The following BSN variants were observed in gnomAD, a reference collection of about 807,000 sequenced individuals.
The protein encoded by BSN is protein bassoon.
In BSN, 57 loss-of-function variants were observed where a neutral mutation model predicts 264.8. That is an observed-to-expected ratio of 0.22 (90% CI 0.17 to 0.27). The LOEUF (loss-of-function observed/expected upper bound fraction) is 0.27, where lower values mean the gene tolerates loss of function less well. BSN is among the 10% of genes least tolerant of loss of function. The pLI, the probability that BSN is intolerant of heterozygous loss-of-function variation, is 1.00. For missense variants in BSN, 4,615 were observed against 5,232.5 expected, an observed-to-expected ratio of 0.88 and a Z score of 3.64; for synonymous variants, 2,059 against 2,137.3, an observed-to-expected ratio of 0.96 and a Z score of 1.01.
chr3:49,651,913 A>T lies in BSN; in HGVS notation c.2357A>T (p.Asp786Val). Residue 786 changes from aspartate to valine, a missense_variant, in exon 5 of 12, where the codon GAC becomes GTC. By Grantham distance (152) the Asp-to-Val change is radical. This residue lies in a region of BSN where 1,197 missense variants were observed against 1,348.0 expected (regional missense o/e 0.89). Coordinates refer to ENST00000296452, the MANE Select transcript of BSN (RefSeq NM_003458.4). The surrounding 1 kb of genome is among the most constrained non-coding windows in gnomAD (Gnocchi z 5.4). ...ELEDILEEDEDSAEWRRRREQ... is the reference protein window; with the variant it reads ...ELEDILEEDEVSAEWRRRREQ... ...GAGGATATCCTGGAGGAAGACGAAG[A>T]CTCTGCTGAGTGGAGGCGCCGGAGA... 6.2e-7 allele frequency: 1 copy of T among 1,613,840 alleles called. No homozygotes were observed. Among genetic ancestry groups the T allele is most frequent in the Admixed American group, 1.7e-5 (1 of 60,014 alleles).
chr3:49,555,115 A>T (rs2051655127), intron 1 of BSN, among the ~76,000 whole-genome samples: 1 of 152,196 alleles, frequency 6.6e-6, no homozygotes, highest in Non-Finnish European at 1.5e-5. Context: ...CTGACTGCTC[A>T]GGAGGGGCTT....
intron 1 of BSN, among the ~76,000 whole-genome samples, chr3:49,603,145 G>T (rs1300180783): frequency 6.6e-6 from 1 of 150,584 alleles, no homozygotes; most frequent in East Asian, 1.9e-4. Flanking sequence ...TCCACTGCTG[G>T]CCCCTCAAGG....
chr3:49,606,993 C>T (rs537610716), intron 1 of BSN, among the ~76,000 whole-genome samples: 1 of 152,120 alleles, frequency 6.6e-6, no homozygotes, highest in Non-Finnish European at 1.5e-5. Context: ...GTGGGCGCCT[C>T]AGTTTGCAAT....
At chr3:49,604,852 C>T (rs991113813) in intron 1 of BSN, among the ~76,000 whole-genome samples, 5 of 151,998 alleles carry the variant, frequency 3.3e-5, no homozygotes, top group African/African-American at 7.2e-5. Flanking sequence ...GCCACACTGG[C>T]GTGCTTGCTG....
At chr3:49,631,590 C>T (rs961299887) in intron 2 of BSN, among the ~76,000 whole-genome samples, 3 of 151,140 alleles carry the variant, frequency 2.0e-5, no homozygotes, top group African/African-American at 4.9e-5. Context: ...TTGGGGGCTT[C>T]TCCAAAGAGA....
chr3:49,637,858 A>T lies in BSN; in HGVS notation c.634-4410A>T, dbSNP rs557812305. On this transcript the variant is annotated intron_variant, in intron 2 of 11. Coordinates refer to ENST00000296452, the MANE Select transcript of BSN (RefSeq NM_003458.4). ...CATCCTTACTGCCACTTAGGCCCCC[A>T]CTGGGTCGGGGTGCACGGGCTTCCA... Among the ~76,000 whole-genome samples, 38 of 152,280 alleles carry T rather than the reference A, an allele frequency of 2.5e-4. No homozygotes were observed. In the South Asian group the frequency reaches 6.6e-3, roughly 27 times the overall value.
intron 1 of BSN, among the ~76,000 whole-genome samples, chr3:49,614,270 A>G (rs955719823): frequency 6.6e-6 from 1 of 151,978 alleles, no homozygotes; most frequent in Non-Finnish European, 1.5e-5. Flanking sequence ...CGTGTTAGCC[A>G]GGATGGTCTT....
chr3:49,672,164 CAG>C (rs1233605473), downstream of BSN, among the ~76,000 whole-genome samples: 1 of 151,608 alleles, frequency 6.6e-6, no homozygotes, highest in African/African-American at 2.4e-5. Flanking sequence ...AAACAGAAGC[CAG>C]AAGGTGCAAT....
At position 49,657,064 on chromosome 3, in the gene BSN, C is replaced by G. The variant is rs777499886; in HGVS notation, c.7508C>G (p.Pro2503Arg). Reference sequence around the variant, plus strand: ...TTGGCCCAGAATGGCCAGTATTGGCCCCCCCTTACACATGCAGCCTTCATT... The same window carrying G: ...TTGGCCCAGAATGGCCAGTATTGGCGCCCCCTTACACATGCAGCCTTCATT... ...AELAQNGQYWPPLTHAAFIAM... is the reference protein window; with the variant it reads ...AELAQNGQYWRPLTHAAFIAM... Residue 2503 changes from proline (P) to arginine (R), a missense_variant, in exon 5 of 12, where the codon CCC becomes CGC. Around this residue, in one of 3 missense-constraint regions of BSN, gnomAD observed 3,415 missense variants for 3,866.4 expected, o/e 0.88. Transcript: ENST00000296452. 8.1e-6 allele frequency: 13 copies of G among 1,609,530 alleles called. No individual in the cohort carries two copies. Among genetic ancestry groups the G allele is most frequent in the Non-Finnish European group, 1.1e-5 (13 of 1,177,178 alleles).
rs755443229 is a variant in BSN at position 49,658,137 on chromosome 3, G to A, written c.8581G>A (p.Glu2861Lys). 6 of 1,606,408 alleles carry A rather than the reference G, an allele frequency of 3.7e-6. No individual in the cohort carries two copies. The highest frequency in any genetic ancestry group is 5.1e-6 in the Non-Finnish European group (6 of 1,175,654). ...CCCTAAGCCCCTCAGCCCCACCGCC[G>A]AAGAGTCTGCCAAAGAGAGATTCTC... ...SDPKPLSPTA[E>K]ESAKERFSLY... is the part of the protein sequence containing the mutation. Residue 2861 changes from glutamate (E) to lysine (K), a missense_variant, in exon 5 of 12, where the codon GAA becomes AAA. Transcript: ENST00000296452.
At chr3:49,631,216 G>A (rs1292443460) in intron 2 of BSN, among the ~76,000 whole-genome samples, 1 of 151,954 alleles carries the variant, frequency 6.6e-6, no homozygotes, top group East Asian at 1.9e-4. Flanking sequence ...TGGGGTCAAG[G>A]AGGGGAGGGC....
At chr3:49,659,382 G>C (rs1442910656) in intron 5 of BSN, among the ~76,000 whole-genome samples, 2 of 152,186 alleles carry the variant, frequency 1.3e-5, no homozygotes, top group African/African-American at 4.8e-5. Flanking sequence ...AGAGACAACA[G>C]AGTGAGGGGT....
chr3:49,604,831 A>G (rs1209829892), intron 1 of BSN, among the ~76,000 whole-genome samples: 1 of 149,942 alleles, frequency 6.7e-6, no homozygotes, highest in Non-Finnish European at 1.5e-5. Flanking sequence ...TCCCCTGACT[A>G]CACCCCTTCA....
At chr3:49,622,604 G>C (rs1321957078) in intron 1 of BSN, among the ~76,000 whole-genome samples, 1 of 152,232 alleles carries the variant, frequency 6.6e-6, no homozygotes, top group Middle Eastern at 3.2e-3. Flanking sequence ...GCACCACCTG[G>C]AGAGGGGGCC....
At chr3:49,588,759 T>C (rs2051954442) in intron 1 of BSN, among the ~76,000 whole-genome samples, 1 of 152,216 alleles carries the variant, frequency 6.6e-6, no homozygotes, top group Non-Finnish European at 1.5e-5. Flanking sequence ...TGTTATTGAT[T>C]TCTAATTTAA....
rs912073490 is a variant in BSN at position 49,585,800 on chromosome 3, T to C, written c.224+30974T>C. 6.6e-6 allele frequency among the ~76,000 whole-genome samples: 1 copy of C among 152,232 alleles called. No individual in the cohort carries two copies. The highest frequency in any genetic ancestry group is 2.4e-5 in the African/African-American group (1 of 41,460). ...TCTTTTGGATAAAAGCCATTTTAAC[T>C]GGGGTGAGATGATACCTCATTTAGT... is the stretch of plus-strand genomic sequence containing the variant. On this transcript the variant is annotated intron_variant, in intron 1 of 11. Transcript: ENST00000296452. The surrounding 1 kb of genome is among the most constrained non-coding windows in gnomAD (Gnocchi z 4.7).
chr3:49,650,561 A>T (rs762685199), intron 3 of BSN, 51 bp from the exon 4 acceptor site: 8 of 1,451,206 alleles, frequency 5.5e-6, no homozygotes, highest in Non-Finnish European at 6.6e-6. Flanking sequence ...TTATTTGAGG[A>T]CTTCAGTGTC....
Position 49,654,379 on chromosome 3 carries a change from A to G in BSN, c.4823A>G (p.Glu1608Gly), listed in dbSNP as rs769222482. The G allele has an allele frequency of 1.9e-6, 3 of 1,608,638 alleles. No individual in the cohort carries two copies. In the South Asian group the frequency reaches 3.3e-5, roughly 18 times the overall value. The change falls in exon 5 of 12, where the codon GAG becomes GGG. Residue 1608 changes from glutamate to glycine, a missense_variant. By Grantham distance (98) the Glu-to-Gly change is moderately conservative (BLOSUM62 -2). Coordinates refer to ENST00000296452, the MANE Select transcript of BSN (RefSeq NM_003458.4). This position sits in a 1 kb window ranked among gnomAD's most constrained non-coding sequence, Gnocchi z 4.1. ...TPPSVSQLPP[E>G]PPGPPGFPRV... ...CCGAGTGTGTCTCAGCTGCCCCCAG[A>G]GCCACCTGGGCCACCTGGCTTTCCA... is the stretch of plus-strand genomic sequence containing the variant.
Position 49,656,550 on chromosome 3 carries a change from G to C in BSN, c.6994G>C (p.Ala2332Pro), listed in dbSNP as rs2052603343. ...AGGAGCCCCAGCTCCTGCCCCACTA[G>C]CTGGCCAGAAGCCACCAGCAGATGC... ...AAGAPAPAPL[A>P]GQKPPADAAP... The change falls in exon 5 of 12, where the codon GCT becomes CCT. Residue 2332 changes from alanine (A) to proline (P), a missense_variant. This residue lies in a region of BSN where 3,415 missense variants were observed against 3,866.4 expected (regional missense o/e 0.88). Transcript: ENST00000296452. 3.2e-6 allele frequency: 5 copies of C among 1,567,226 alleles called. No individual in the cohort carries two copies. Among genetic ancestry groups the C allele is most frequent in the Non-Finnish European group, 4.3e-6 (5 of 1,157,578 alleles).
Sources: gnomAD v4.1 joint callset for allele counts (sites outside exome capture counted in the v4.1 genomes callset) on GRCh38, gnomAD v4.1.1 for gene constraint, gnomAD v4.1.1 regional missense constraint, Gnocchi (gnomAD v3.1) non-coding constraint, MANE v1.5 for transcripts, NCBI Gene and HGNC (gene_info 2026-07-23, HGNC 2026-07-21) for gene names.